Variants in CD276 observed in about 807,000 individuals in gnomAD.
CD276 encodes CD276 antigen.
In CD276, 34 loss-of-function variants were observed where a neutral mutation model predicts 50.0. The ratio of observed to expected loss-of-function variants is 0.68; its 90% CI spans 0.52 to 0.91. The LOEUF is 0.91. Among genes scored for constraint, CD276 ranks in the 40% least tolerant of loss-of-function variants. The pLI, the probability that CD276 is intolerant of heterozygous loss-of-function variation, is 0.00. For missense variants in CD276, 634 were observed against 717.5 expected (o/e 0.88, Z 1.33); for synonymous variants, 275 against 313.0 (o/e 0.88, Z 1.28).
At chr15:73,696,812 AG>A (rs1271999246) in intron 1 of CD276, among the ~76,000 whole-genome samples, 5 of 152,236 alleles carry the variant, frequency 3.3e-5, no homozygotes, top group Admixed American at 3.3e-4. Context: ...TGAGCAGGGG[AG>A]GGACATGAGC....
intron 1 of CD276, among the ~76,000 whole-genome samples, chr15:73,693,510 C>T (rs922959198): frequency 2.6e-5 from 4 of 152,172 alleles, no homozygotes; most frequent in African/African-American, 9.7e-5. Context: ...TCCTGTAAAA[C>T]TCCTCCCCAT....
At position 73,708,341 on chromosome 15, in the gene CD276, C is replaced by A; in HGVS notation, c.1372C>A (p.Gln458Lys). 9.3e-6 allele frequency: 15 copies of A among 1,613,882 alleles called. No individual in the cohort carries two copies. The highest frequency in any genetic ancestry group is 1.3e-5 in the Non-Finnish European group (15 of 1,179,926). Reference protein sequence around the residue: ...DAHGSVTITGQPMTFPPEALW... With the variant: ...DAHGSVTITGKPMTFPPEALW... ...ACTGTTGCTACTTTTCCTCTCAGGG[C>A]AGCCTATGACATTCCCCCCAGAGGC... Residue 458 changes from glutamine to lysine, a missense_variant and splice_region_variant, in exon 7 of 10, where the codon CAG becomes AAG. Gln to Lys is a moderately conservative substitution (Grantham distance 53). Coordinates refer to ENST00000318443, the MANE Select transcript of CD276 (RefSeq NM_001024736.2).
chr15:73,708,692 G>A, intron 7 of CD276: 1 of 574,306 alleles, frequency 1.7e-6, no homozygotes, highest in Non-Finnish European at 3.1e-6. Flanking sequence ...CAGGATGAAT[G>A]TGGATGAGTG....
In CD276 at chr15:73,701,316, G is replaced by T. The variant is rs183472239; in HGVS notation, c.80-939G>T. Among the ~76,000 whole-genome samples, 448 of 152,024 alleles carry T rather than the reference G, an allele frequency of 2.9e-3. 5 individuals carry two copies. Among genetic ancestry groups the T allele is most frequent in the African/African-American group, 0.01 (427 of 41,452 alleles). The stretch of plus-strand genomic sequence containing the variant: ...GGACAGCTGAAACCGCCCCTAACTG[G>T]CCTCCCCCTTGCCCTGCCACAGTCC... On this transcript the variant is annotated intron_variant, in intron 2 of 9. Coordinates refer to ENST00000318443, the MANE Select transcript of CD276 (RefSeq NM_001024736.2).
intron 1 of CD276, among the ~76,000 whole-genome samples, chr15:73,688,703 G>A (rs1899862117): frequency 1.3e-5 from 2 of 152,222 alleles, no homozygotes; most frequent in South Asian, 4.1e-4. Context: ...CAATGGGCCT[G>A]GAGCTAGGCG....
At chr15:73,692,368 A>T (rs959469989) in intron 1 of CD276, among the ~76,000 whole-genome samples, 1 of 152,204 alleles carries the variant, frequency 6.6e-6, no homozygotes, top group Non-Finnish European at 1.5e-5. Context: ...TCTATTTTTA[A>T]TATGAAAATG....
intron 1 of CD276, among the ~76,000 whole-genome samples, chr15:73,685,500 G>T (rs1235757536): frequency 1.3e-5 from 2 of 148,278 alleles, no homozygotes; most frequent in Non-Finnish European, 3.0e-5. Context: ...TGTGTGGCGG[G>T]TGGGGGGGTG....
upstream of CD276, chr15:73,684,153 G>A (rs1219749828): frequency 6.6e-6 from 1 of 151,074 alleles, no homozygotes; most frequent in African/African-American, 2.4e-5. Context: ...CCTGCTCCGG[G>A]AGCCGAGGGT....
chr15:73,702,638 T>G, intron 3 of CD276, 45 bp downstream of exon 3: 1 of 1,574,720 alleles, frequency 6.4e-7, no homozygotes, highest in South Asian at 1.2e-5. Context: ...TCACCCTCCA[T>G]TCCCCCTGCA....
intron 1 of CD276, among the ~76,000 whole-genome samples, chr15:73,688,239 C>G (rs772520517): frequency 6.6e-6 from 1 of 151,754 alleles, no homozygotes; most frequent in Admixed American, 6.6e-5. Context: ...GCAAAGTGTT[C>G]GCTCAGTGCA....
rs1900803907 is a variant in CD276, at chr15:73,709,526, T to C, written c.1505-122T>C. The C allele has an allele frequency of 4.4e-6, 4 of 906,456 alleles. No homozygotes were observed. In the African/African-American group the frequency reaches 5.1e-5, roughly 11 times the overall value. The allele number at this position is 906,456 out of a possible 1,614,324, so 56.2% of individuals were successfully genotyped here. A position where few individuals can be genotyped will look rare whatever the true frequency, so the allele number is the denominator to read the frequency against. Reference sequence around the variant, plus strand: ...GCTCTAACCCGTGTCTAGCATTTGGTCCGCAGGTCAGGCCCACTCAGGCCC... The same window carrying C: ...GCTCTAACCCGTGTCTAGCATTTGGCCCGCAGGTCAGGCCCACTCAGGCCC... On this transcript the variant is annotated intron_variant, in intron 7 of 9. Transcript: ENST00000318443.
In CD276 at chr15:73,707,162, C is replaced by T. The variant is rs948051213; in HGVS notation, c.1370-1177C>T. Among the ~76,000 whole-genome samples the T allele has an allele frequency of 3.9e-5, 6 of 152,352 alleles. No homozygotes were observed. In the East Asian group the frequency reaches 5.8e-4, roughly 15 times the overall value. ...GGTGCATCTATGCTGGGGTCTCTGCCGCCAAAGGGTCCATAGCACCGCGCA... is the reference window on the plus strand; with the variant it reads ...GGTGCATCTATGCTGGGGTCTCTGCTGCCAAAGGGTCCATAGCACCGCGCA... On this transcript the variant is annotated intron_variant, in intron 6 of 9. Transcript: ENST00000318443.
At chr15:73,694,645 A>G (rs1263114620) in intron 1 of CD276, among the ~76,000 whole-genome samples, 1 of 152,064 alleles carries the variant, frequency 6.6e-6, no homozygotes, top group Non-Finnish European at 1.5e-5. Flanking sequence ...TATGATCGCC[A>G]CACACACCAC....
intron 1 of CD276, chr15:73,697,780 G>C (rs1900231965): frequency 6.6e-6 from 1 of 151,910 alleles, no homozygotes; most frequent in Non-Finnish European, 1.5e-5. Flanking sequence ...TGTTGGTCAG[G>C]CTGGTCTCAA....
rs1164130563 is a variant in CD276, at chr15:73,702,504, A to G, written c.329A>G (p.Gln110Arg). The G allele has an allele frequency of 1.2e-6, 2 of 1,613,368 alleles. No homozygotes were observed. The highest frequency in any genetic ancestry group is 1.7e-4 in the Middle Eastern group (1 of 6,046). The change falls in exon 3 of 10, where the codon CAG becomes CGG. Residue 110 changes from glutamine (Q) to arginine (R), a missense_variant. Transcript: ENST00000318443. ...LAQGNASLRLQRVRVADEGSF... is the reference protein window; with the variant it reads ...LAQGNASLRLRRVRVADEGSF... ...CAGGGCAACGCATCCCTGAGGCTGC[A>G]GCGCGTGCGTGTGGCGGACGAGGGC... is the stretch of plus-strand genomic sequence containing the variant.
intron 6 of CD276, among the ~76,000 whole-genome samples, chr15:73,706,906 G>A (rs770443970): frequency 6.6e-6 from 1 of 152,128 alleles, no homozygotes; most frequent in East Asian, 1.9e-4. Flanking sequence ...TATTTCCATG[G>A]CTCTGCCCCC....
At position 73,704,592 on chromosome 15, in the gene CD276, C is replaced by T. The variant is rs921503548; in HGVS notation, c.1369+120C>T. On this transcript the variant is annotated intron_variant, in intron 6 of 9. Coordinates refer to ENST00000318443, the MANE Select transcript of CD276 (RefSeq NM_001024736.2). This position sits in a 1 kb window ranked among gnomAD's most constrained non-coding sequence, Gnocchi z 4.1. Reference sequence around the variant, plus strand: ...AGACTTTCAAAATCCCTTTCATAGACTTCAGGTGCTCACACTCTTCCCCAC... The same window carrying T: ...AGACTTTCAAAATCCCTTTCATAGATTTCAGGTGCTCACACTCTTCCCCAC... 31 of 1,301,130 alleles carry T rather than the reference C, an allele frequency of 2.4e-5. No homozygotes were observed. The highest frequency in any genetic ancestry group is 3.1e-5 in the Non-Finnish European group (30 of 956,990). The allele number at this position is 1,301,130 out of a possible 1,614,324, so 80.6% of individuals were successfully genotyped here.
intron 1 of CD276, among the ~76,000 whole-genome samples, chr15:73,691,936 A>T (rs1466691031): frequency 1.3e-5 from 2 of 152,156 alleles, no homozygotes; most frequent in African/African-American, 4.8e-5. Context: ...AGAATCTCTG[A>T]GAAGCTGTCA....
At chr15:73,692,827 A>G (rs1900035673) in intron 1 of CD276, among the ~76,000 whole-genome samples, 1 of 152,246 alleles carries the variant, frequency 6.6e-6, no homozygotes, top group African/African-American at 2.4e-5. Flanking sequence ...AACCAGTTTT[A>G]TGGGGAAGAT....
Sources: allele counts gnomAD v4.1 joint callset (sites outside exome capture counted in the v4.1 genomes callset), GRCh38; gene constraint gnomAD v4.1.1; non-coding constraint Gnocchi (gnomAD v3.1); transcripts MANE v1.5; gene names NCBI Gene and HGNC (gene_info 2026-07-23, HGNC 2026-07-21).